The following R3HDM1 variants were observed in gnomAD, a reference collection of about 807,000 sequenced individuals.
The protein encoded by R3HDM1 is R3H domain containing 1, also known as R3H domain-containing protein 1.
In R3HDM1, 46 loss-of-function variants were observed where a neutral mutation model predicts 141.1. The ratio of observed to expected loss-of-function variants is 0.33; its 90% CI spans 0.26 to 0.42. R3HDM1 has a LOEUF of 0.42. Among genes scored for constraint, R3HDM1 ranks in the 10% least tolerant of loss-of-function variants. The pLI is 1.00. For synonymous variants in R3HDM1, 435 were observed against 472.9 expected (o/e 0.92, Z 1.04); for missense variants, 1,184 against 1,368.3 (o/e 0.87, Z 2.12).
chr2:135,572,153 T>A (rs1704267708), intron 1 of R3HDM1, among the ~76,000 whole-genome samples: 1 of 152,078 alleles, frequency 6.6e-6, no homozygotes, highest in Admixed American at 6.6e-5. Context: ...AGACAGAGTT[T>A]CACCGTGTTA....
At chr2:135,684,923 C>T (rs987768942) in intron 21 of R3HDM1, among the ~76,000 whole-genome samples, 2 of 151,996 alleles carry the variant, frequency 1.3e-5, no homozygotes, top group Non-Finnish European at 2.9e-5. Context: ...CCACCACACT[C>T]AGCTAATTGT....
chr2:135,684,920 A>G (rs1011488881), intron 21 of R3HDM1, among the ~76,000 whole-genome samples: 13 of 151,612 alleles, frequency 8.6e-5, no homozygotes, highest in African/African-American at 2.9e-4. Context: ...GCACCACCAC[A>G]CTCAGCTAAT....
intron 3 of R3HDM1, among the ~76,000 whole-genome samples, chr2:135,614,640 T>G (rs2060853487): frequency 6.6e-6 from 1 of 152,242 alleles, no homozygotes; most frequent in African/African-American, 2.4e-5. Flanking sequence ...TGACAGTTAA[T>G]GACCCCTTTC....
chr2:135,633,120 T>C (rs1054795412), intron 9 of R3HDM1, among the ~76,000 whole-genome samples: 2 of 152,208 alleles, frequency 1.3e-5, no homozygotes, highest in Non-Finnish European at 2.9e-5. Context: ...TTTCTTCTTA[T>C]AGGGATTAAA....
At chr2:135,698,642 A>C (rs1443304018) in intron 21 of R3HDM1, among the ~76,000 whole-genome samples, 1 of 152,200 alleles carries the variant, frequency 6.6e-6, no homozygotes, top group Non-Finnish European at 1.5e-5. Flanking sequence ...TAAAGAAAAG[A>C]GGTTTAATTG....
chr2:135,547,648 T>G (rs1186385717), intron 1 of R3HDM1, among the ~76,000 whole-genome samples: 2 of 152,038 alleles, frequency 1.3e-5, no homozygotes, highest in Non-Finnish European at 2.9e-5. Context: ...ATCTTATGGC[T>G]CCTTCTCTTG....
chr2:135,651,904 C>A lies in R3HDM1; in HGVS notation c.1900C>A (p.Pro634Thr), dbSNP rs771600130. The A allele has an allele frequency of 6.2e-6, 10 of 1,613,632 alleles. No individual in the cohort carries two copies. Among genetic ancestry groups the A allele is most frequent in the Non-Finnish European group, 7.6e-6 (9 of 1,179,740 alleles). The change falls in exon 18 of 27, where the codon CCA becomes ACA. Residue 634 changes from proline to threonine, a missense_variant. Coordinates refer to ENST00000683871, the MANE Select transcript of R3HDM1 (RefSeq NM_001378107.1). ...PPPHPPPPPP[P>T]PPPPPPLPPG... ...ACCACATCCTCCTCCACCGCCACCA[C>A]CACCACCTCCTCCTCCTCCCCTACC...
At chr2:135,686,001 G>T (rs774503370) in intron 21 of R3HDM1, among the ~76,000 whole-genome samples, 21 of 152,030 alleles carry the variant, frequency 1.4e-4, no homozygotes, top group Non-Finnish European at 2.5e-4. Flanking sequence ...AAAAAAAAAG[G>T]GTTAAAGAGT....
chr2:135,649,076 T>G (rs56197082), intron 16 of R3HDM1: 33,430 of 151,028 alleles, frequency 0.22, 5,102 homozygotes, highest in African/African-American at 0.42. Flanking sequence ...GGTTTTTTTT[T>G]TTTTTTTTAG....
intron 17 of R3HDM1, chr2:135,651,501 G>GT: frequency 1.0e-6 from 1 of 959,098 alleles, no homozygotes; most frequent in Non-Finnish European, 1.2e-6. Context: ...TCTGCATGCT[G>GT]TGCATTCCCA....
At chr2:135,694,554 A>C (rs1055667217) in intron 21 of R3HDM1, among the ~76,000 whole-genome samples, 1 of 152,242 alleles carries the variant, frequency 6.6e-6, no homozygotes, top group African/African-American at 2.4e-5. Flanking sequence ...TAGATATTGG[A>C]CATGGGACAT....
intron 1 of R3HDM1, chr2:135,559,137 G>T (rs1701341120): frequency 1.3e-6 from 1 of 779,838 alleles, no homozygotes; most frequent in Non-Finnish European, 1.5e-6. Flanking sequence ...TCGGAGACAG[G>T]GCCTCGCTTG....
intron 15 of R3HDM1, among the ~76,000 whole-genome samples, chr2:135,642,356 T>C (rs2063894871): frequency 6.6e-6 from 1 of 152,176 alleles, no homozygotes; most frequent in Non-Finnish European, 1.5e-5. Flanking sequence ...AATTAGCTAA[T>C]AGTAATTTAC....
chr2:135,554,495 G>A (rs1320862733), intron 1 of R3HDM1, among the ~76,000 whole-genome samples: 1 of 152,194 alleles, frequency 6.6e-6, no homozygotes, highest in African/African-American at 2.4e-5. Context: ...TTATGTAGAT[G>A]TATGTTTTCA....
At chr2:135,542,783 G>A (rs1433665879) in intron 1 of R3HDM1, among the ~76,000 whole-genome samples, 1 of 152,224 alleles carries the variant, frequency 6.6e-6, no homozygotes, top group Non-Finnish European at 1.5e-5. Flanking sequence ...CTGTAGCCCA[G>A]GCTAGAGTGC....
At chr2:135,627,368 A>C (rs181904343) in intron 7 of R3HDM1, among the ~76,000 whole-genome samples, 77 of 152,228 alleles carry the variant, frequency 5.1e-4, no homozygotes, top group Non-Finnish European at 8.4e-4. Context: ...ACATCATTAA[A>C]TCTTCATTAT....
intron 23 of R3HDM1, among the ~76,000 whole-genome samples, chr2:135,712,659 C>T (rs1361727321): frequency 1.3e-5 from 2 of 151,946 alleles, no homozygotes; most frequent in African/African-American, 2.4e-5. Context: ...CGATGGCTCA[C>T]GCCTGTAATC....
Position 135,641,585 on chromosome 2 carries a change from C to T in R3HDM1, c.1269C>T (p.His423=). The stretch of plus-strand genomic sequence containing the variant: ...GGTCATCTACAGGCTCTCTTTCTCA[C>T]ATCCAGCAGCCTCTTCCAGGTACAG... ...SVGSSTGSLS[H]IQQPLPGTAL... Residue 423 remains histidine (H), a synonymous_variant, in exon 15 of 27, where the codon CAC becomes CAT. Transcript: ENST00000683871. 6.2e-7 allele frequency: 1 copy of T among 1,614,082 alleles called. No individual in the cohort carries two copies.
intron 7 of R3HDM1, among the ~76,000 whole-genome samples, chr2:135,624,927 C>G (rs1280400284): frequency 6.6e-6 from 1 of 152,106 alleles, no homozygotes; most frequent in East Asian, 1.9e-4. Flanking sequence ...AGGCCAAGTA[C>G]TAAAGATAGC....
Sources: gnomAD v4.1 joint callset for allele counts (sites outside exome capture counted in the v4.1 genomes callset) on GRCh38, gnomAD v4.1.1 for gene constraint, MANE v1.5 for transcripts, NCBI Gene and HGNC (gene_info 2026-07-23, HGNC 2026-07-21) for gene names.